Variants in RBFOX1 observed in about 807,000 individuals in gnomAD.
The protein encoded by RBFOX1 is RNA binding fox-1 homolog 1.
A neutral mutation model predicts 57.7 loss-of-function variants in RBFOX1; 8 were observed. The observed-to-expected ratio is 0.14, with a 90% confidence interval of 0.08 to 0.25. RBFOX1 has a LOEUF of 0.25. Among genes scored for constraint, RBFOX1 ranks in the 10% least tolerant of loss-of-function variants. The pLI is 1.00. For missense variants in RBFOX1, 611 were observed against 548.5 expected, an observed-to-expected ratio of 1.11 and a Z score of -1.14; for synonymous variants, 326 against 222.4, an observed-to-expected ratio of 1.47 and a Z score of -4.15.
chr16:7,216,800 T>A (rs2092125337), intron 4 of RBFOX1, among the ~76,000 whole-genome samples: 1 of 152,214 alleles, frequency 6.6e-6, no homozygotes, highest in African/African-American at 2.4e-5. Flanking sequence ...GGGTAGCAGT[T>A]CCTGGTAGTT....
chr16:6,766,073 C>T (rs2077283364), intron 3 of RBFOX1, among the ~76,000 whole-genome samples: 1 of 152,022 alleles, frequency 6.6e-6, no homozygotes, highest in Non-Finnish European at 1.5e-5. Flanking sequence ...TAGATTTCAA[C>T]ACTATGCAAT....
chr16:6,821,249 C>T (rs7187380), intron 3 of RBFOX1, among the ~76,000 whole-genome samples: 4,102 of 152,264 alleles, frequency 0.027, 198 homozygotes, highest in African/African-American at 0.095. Flanking sequence ...TATGGTGTCT[C>T]TTTACATCTA....
chr16:7,071,585 ATATGTG>A (rs761958546), intron 4 of RBFOX1, among the ~76,000 whole-genome samples: 11 of 78,786 alleles, frequency 1.4e-4, no homozygotes, highest in Non-Finnish European at 2.2e-4. Context: ...ATTTGCCCAG[ATATGTG>A]TGTGTGTGTG....
intron 1 of RBFOX1, among the ~76,000 whole-genome samples, chr16:5,421,890 A>C (rs550128586): frequency 6.6e-6 from 1 of 152,204 alleles, no homozygotes. Flanking sequence ...GGTTAGGGAC[A>C]TGAAAACCCA....
At chr16:7,476,260 A>G (rs1567377930) in intron 4 of RBFOX1, among the ~76,000 whole-genome samples, 1 of 152,250 alleles carries the variant, frequency 6.6e-6, no homozygotes, top group Non-Finnish European at 1.5e-5. Flanking sequence ...GGCATGAGCC[A>G]TAACTTCTGG....
At chr16:6,927,660 T>C (rs1366472007) in intron 3 of RBFOX1, among the ~76,000 whole-genome samples, 1 of 152,100 alleles carries the variant, frequency 6.6e-6, no homozygotes, top group Non-Finnish European at 1.5e-5. Context: ...ATAGTGAGGA[T>C]GTCAGCATCA....
rs1161365667 is a variant in RBFOX1, at chr16:6,336,152, T to TAC, written c.-64+19097_-64+19098dup. ...ATATATATATTCATATATATACATA[T>TAC]ACATATATATATATATATATATATA... is the stretch of plus-strand genomic sequence containing the variant. On this transcript the variant is annotated intron_variant, in intron 2 of 15. Transcript: ENST00000550418. Among the ~76,000 whole-genome samples, 11 of 53,944 alleles carry TAC rather than the reference T, an allele frequency of 2.0e-4. 1 individual carries two copies. The South Asian group carries it at 7.8e-3, about 38-fold the overall frequency. 35.4% of individuals were successfully genotyped at this position (53,944 alleles called of 152,430 possible). A position where few individuals can be genotyped will look rare whatever the true frequency, so the allele number is the denominator to read the frequency against.
chr16:6,383,133 C>G (rs1405928688), intron 2 of RBFOX1, among the ~76,000 whole-genome samples: 1 of 152,228 alleles, frequency 6.6e-6, no homozygotes, highest in East Asian at 1.9e-4. Flanking sequence ...AAAGGGTATA[C>G]TATGGGCTTC....
intron 3 of RBFOX1, among the ~76,000 whole-genome samples, chr16:5,725,075 T>C (rs1261217222): frequency 2.0e-5 from 3 of 152,134 alleles, no homozygotes; most frequent in African/African-American, 7.2e-5. Flanking sequence ...AATGAGGGTG[T>C]GTCTGTAGAG....
At chr16:6,383,293 C>T (rs916211752) in intron 2 of RBFOX1, among the ~76,000 whole-genome samples, 1 of 152,224 alleles carries the variant, frequency 6.6e-6, no homozygotes, top group Non-Finnish European at 1.5e-5. Flanking sequence ...TTAAACTTGG[C>T]ATCAGTTGAC....
chr16:6,685,238 C>G (rs201245373), intron 3 of RBFOX1, among the ~76,000 whole-genome samples: 7 of 148,542 alleles, frequency 4.7e-5, no homozygotes, highest in Middle Eastern at 7.0e-3. Context: ...CAATAAATGA[C>G]TTCACGTAAG....
intron 9 of RBFOX1, among the ~76,000 whole-genome samples, chr16:7,600,039 G>A (rs570123502): frequency 1.4e-4 from 22 of 152,158 alleles, no homozygotes; most frequent in African/African-American, 5.3e-4. Context: ...CACTCAAGTG[G>A]CAACCAACTA....
chr16:6,487,704 T>A (rs1490033647), intron 2 of RBFOX1, among the ~76,000 whole-genome samples: 396 of 5,250 alleles, frequency 0.075, 6 homozygotes, highest in East Asian at 0.14. Context: ...AAAAAAAATA[T>A]ATATATATAT....
chr16:5,785,196 T>G (rs1330688142), intron 3 of RBFOX1, among the ~76,000 whole-genome samples: 1 of 152,210 alleles, frequency 6.6e-6, no homozygotes, highest in Non-Finnish European at 1.5e-5. Context: ...TGGTATCTCT[T>G]TCCCCTGTTC....
intron 3 of RBFOX1, among the ~76,000 whole-genome samples, chr16:6,662,148 G>T (rs1253898903): frequency 1.3e-5 from 2 of 151,690 alleles, no homozygotes; most frequent in Non-Finnish European, 2.9e-5. Context: ...GAAAAAAAAG[G>T]GAGGATCTTG....
intron 3 of RBFOX1, among the ~76,000 whole-genome samples, chr16:5,756,288 C>A (rs376555061): frequency 6.8e-6 from 1 of 147,236 alleles, no homozygotes; most frequent in Non-Finnish European, 1.5e-5. Context: ...ATATGAAATG[C>A]CGTGGGGTTG....
chr16:5,776,668 C>T (rs1380854610), intron 3 of RBFOX1, among the ~76,000 whole-genome samples: 5 of 152,236 alleles, frequency 3.3e-5, no homozygotes, highest in Non-Finnish European at 2.9e-5. Flanking sequence ...TTATCATCCC[C>T]AGTTGACACT....
At chr16:5,608,208 G>A (rs936597303) in intron 3 of RBFOX1, among the ~76,000 whole-genome samples, 1 of 152,212 alleles carries the variant, frequency 6.6e-6, no homozygotes, top group Non-Finnish European at 1.5e-5. Flanking sequence ...CCGGGGGCAA[G>A]TGTGGTTGTT....
At chr16:6,948,042 A>G (rs2079916336) in intron 3 of RBFOX1, among the ~76,000 whole-genome samples, 1 of 152,078 alleles carries the variant, frequency 6.6e-6, no homozygotes, top group Admixed American at 6.6e-5. Context: ...ACCTCCCAAA[A>G]TGTTGGGATT....
Sources: gnomAD v4.1 joint callset for allele counts (sites outside exome capture counted in the v4.1 genomes callset) on GRCh38, gnomAD v4.1.1 for gene constraint, MANE v1.5 for transcripts, NCBI Gene and HGNC (gene_info 2026-07-23, HGNC 2026-07-21) for gene names.